The following NBEA variants were observed in gnomAD, a reference collection of about 807,000 sequenced individuals.
NBEA encodes lysosomal-trafficking regulator 2.
NBEA carries 44 observed loss-of-function variants against 343.4 expected under a neutral mutation model. The observed-to-expected ratio is 0.13, with a 90% CI of 0.10 to 0.16. The LOEUF (loss-of-function observed/expected upper bound fraction) is 0.16, where lower values mean the gene tolerates loss of function less well. Ranked by LOEUF, NBEA falls within the 10% of genes least tolerant of loss-of-function variation. The probability of loss-of-function intolerance (pLI) is 1.00; values close to 1 mark genes in which losing one functional copy is unlikely to be tolerated. For missense variants in NBEA, 2,555 were observed against 3,631.3 expected, an observed-to-expected ratio of 0.70 and a Z score of 7.62; for synonymous variants, 1,175 against 1,238.7, an observed-to-expected ratio of 0.95 and a Z score of 1.08.
chr13:35,479,672 TAC>T (rs2076040523), intron 41 of NBEA, among the ~76,000 whole-genome samples: 1 of 152,192 alleles, frequency 6.6e-6, no homozygotes, highest in African/African-American at 2.4e-5. Flanking sequence ...GATTATGTAG[TAC>T]ATAGAGATGG....
intron 38 of NBEA, among the ~76,000 whole-genome samples, chr13:35,372,041 A>T (rs1335745560): frequency 6.6e-6 from 1 of 152,198 alleles, no homozygotes; most frequent in Non-Finnish European, 1.5e-5. Context: ...CCTATCTGGC[A>T]TAGGCTAGTA....
chr13:35,666,566 A>G (rs946054766), intron 56 of NBEA, among the ~76,000 whole-genome samples: 7 of 152,224 alleles, frequency 4.6e-5, no homozygotes, highest in Non-Finnish European at 5.9e-5. Context: ...ACAAAATTTA[A>G]TCATGTCACT....
chr13:35,395,749 A>G (rs1460737934), intron 38 of NBEA, among the ~76,000 whole-genome samples: 1 of 152,166 alleles, frequency 6.6e-6, no homozygotes, highest in African/African-American at 2.4e-5. Context: ...AAAATATTCT[A>G]ATATGATTGT....
intron 39 of NBEA, among the ~76,000 whole-genome samples, chr13:35,438,831 G>A (rs1163496099): frequency 6.6e-6 from 1 of 152,072 alleles, no homozygotes. Flanking sequence ...GTTATATAAA[G>A]GCTAAGTTAC....
At chr13:35,442,946 G>A (rs547962227) in intron 39 of NBEA, among the ~76,000 whole-genome samples, 1 of 152,206 alleles carries the variant, frequency 6.6e-6, no homozygotes, top group South Asian at 2.1e-4. Flanking sequence ...TGAAAATCAC[G>A]TTAGTATTGA....
chr13:35,511,431 C>T (rs186282877), intron 41 of NBEA, among the ~76,000 whole-genome samples: 32 of 152,150 alleles, frequency 2.1e-4, no homozygotes, highest in Admixed American at 1.1e-3. Context: ...TTGACTTAAA[C>T]CTACAATGAA....
chr13:35,282,621 G>A (rs899315790), intron 34 of NBEA, among the ~76,000 whole-genome samples: 14 of 152,022 alleles, frequency 9.2e-5, no homozygotes, highest in African/African-American at 2.7e-4. Flanking sequence ...TATTTCATCC[G>A]TACTCATTGC....
intron 25 of NBEA, 67 bp downstream of exon 25, chr13:35,169,062 A>C: frequency 7.9e-7 from 1 of 1,262,864 alleles, no homozygotes; most frequent in African/African-American, 1.5e-5. Flanking sequence ...TATTTATGAA[A>C]TTTTTGACTT....
intron 27 of NBEA, among the ~76,000 whole-genome samples, chr13:35,176,330 T>C (rs957278296): frequency 1.3e-5 from 2 of 152,094 alleles, no homozygotes; most frequent in African/African-American, 2.4e-5. Flanking sequence ...TTTTGCATTA[T>C]ACATATTATC....
At chr13:34,994,738 G>C (rs926842626) in intron 1 of NBEA, among the ~76,000 whole-genome samples, 2 of 152,114 alleles carry the variant, frequency 1.3e-5, no homozygotes, top group Admixed American at 6.5e-5. Flanking sequence ...TCATACAACA[G>C]GGAATTCAGC....
intron 38 of NBEA, among the ~76,000 whole-genome samples, chr13:35,424,047 T>G (rs919033757): frequency 5.9e-5 from 9 of 152,214 alleles, no homozygotes; most frequent in African/African-American, 1.9e-4. Context: ...AAGGAGATTT[T>G]GGGCTGAGAC....
At chr13:35,057,600 T>C (rs2063318702) in intron 7 of NBEA, among the ~76,000 whole-genome samples, 1 of 152,152 alleles carries the variant, frequency 6.6e-6, no homozygotes, top group African/African-American at 2.4e-5. Flanking sequence ...AAATATTTAA[T>C]AGAATGTTGT....
chr13:35,432,849 T>G (rs1040041150), intron 39 of NBEA, among the ~76,000 whole-genome samples: 3 of 152,040 alleles, frequency 2.0e-5, no homozygotes, highest in Non-Finnish European at 2.9e-5. Flanking sequence ...TATATACATA[T>G]GTATACTGTG....
chr13:35,333,363 CAA>C (rs2039046963), intron 36 of NBEA, among the ~76,000 whole-genome samples: 1 of 151,870 alleles, frequency 6.6e-6, no homozygotes, highest in South Asian at 2.1e-4. Context: ...TCAGATTAGA[CAA>C]AGATGGAGGT....
At chr13:35,041,244 T>G in intron 2 of NBEA, 80 bp downstream of exon 2, 2 of 1,125,250 alleles carry the variant, frequency 1.8e-6, no homozygotes, top group East Asian at 5.2e-5. Context: ...CTATAGGTAA[T>G]GTAGATTTGT....
chr13:35,134,410 AC>A (rs1284946890), intron 17 of NBEA, among the ~76,000 whole-genome samples: 2 of 152,054 alleles, frequency 1.3e-5, no homozygotes, highest in East Asian at 3.9e-4. Flanking sequence ...AACAAAGCAG[AC>A]AGAGTAGACA....
At chr13:35,128,968 A>T (rs903552080) in intron 17 of NBEA, among the ~76,000 whole-genome samples, 3 of 151,166 alleles carry the variant, frequency 2.0e-5, no homozygotes, top group African/African-American at 7.3e-5. Context: ...AAAATAAGAG[A>T]CTTCACATGT....
intron 31 of NBEA, among the ~76,000 whole-genome samples, chr13:35,200,149 C>T (rs867519769): frequency 2.0e-5 from 3 of 151,860 alleles, no homozygotes; most frequent in African/African-American, 7.2e-5. Flanking sequence ...TTTTAGAATT[C>T]TTAAATCAAG....
At chr13:35,362,630 T>C (rs952462635) in intron 38 of NBEA, among the ~76,000 whole-genome samples, 2 of 151,888 alleles carry the variant, frequency 1.3e-5, no homozygotes, top group Non-Finnish European at 2.9e-5. Flanking sequence ...CAAACATGCT[T>C]AGGAAATAAA....
Sources: gnomAD v4.1 joint callset for allele counts (sites outside exome capture counted in the v4.1 genomes callset) on GRCh38, gnomAD v4.1.1 for gene constraint, MANE v1.5 for transcripts, NCBI Gene and HGNC (gene_info 2026-07-23, HGNC 2026-07-21) for gene names.